AOPEP: variants seen among roughly 807,000 people sequenced by gnomAD.
AOPEP encodes aminopeptidase O.
Under a neutral mutation model 98.1 loss-of-function variants are expected in AOPEP, and 77 were observed. That is an observed-to-expected ratio of 0.78 (90% confidence interval 0.65 to 0.95). AOPEP has a LOEUF of 0.95. AOPEP is among the 40% of genes least tolerant of loss of function. AOPEP has a pLI of 0.00. For missense variants in AOPEP, 1,024 were observed against 1,024.7 expected, an observed-to-expected ratio of 1.00 and a Z score of 0.01; for synonymous variants, 346 against 365.3, an observed-to-expected ratio of 0.95 and a Z score of 0.60.
Position 94,792,856 on chromosome 9 carries a change from G to A in AOPEP, c.1056G>A (p.Glu352=). The A allele has an allele frequency of 6.2e-7, 1 of 1,613,578 alleles. No individual in the cohort carries two copies. The highest frequency in any genetic ancestry group is 8.5e-7 in the Non-Finnish European group (1 of 1,179,820). Residue 352 remains glutamate, a synonymous_variant, in exon 4 of 17, where the codon GAG becomes GAA. Coordinates refer to ENST00000375315, the MANE Select transcript of AOPEP (RefSeq NM_001193329.3). ...GATGCTGGACAGAAATGAAGATGGA[G>A]ACATGGTCATCAAATGATTTGGCAA... The part of the protein sequence containing the change: ...AVGCWTEMKM[E]TWSSNDLATE...
intron 5 of AOPEP, among the ~76,000 whole-genome samples, chr9:94,853,346 A>G (rs144633166): frequency 0.033 from 4,945 of 152,054 alleles, 278 homozygotes; most frequent in African/African-American, 0.11. Context: ...TGTAGTCCCA[A>G]CTACTTGGGA....
intron 3 of AOPEP, among the ~76,000 whole-genome samples, chr9:94,790,657 T>C (rs1234242307): frequency 6.6e-6 from 1 of 152,094 alleles, no homozygotes; most frequent in Non-Finnish European, 1.5e-5. Context: ...ACCGAAATAT[T>C]ATTTATTTTT....
intron 13 of AOPEP, 62 bp downstream of exon 13, chr9:95,005,678 G>A: frequency 7.5e-7 from 1 of 1,341,886 alleles, no homozygotes; most frequent in Non-Finnish European, 1.1e-6. Context: ...GCCCCGTGAG[G>A]ACCTGGTCAT....
chr9:95,084,535 TTTG>T (rs574308108), intron 16 of AOPEP, among the ~76,000 whole-genome samples: 18 of 152,234 alleles, frequency 1.2e-4, no homozygotes, highest in South Asian at 6.2e-4. Context: ...TCTCTTTCGT[TTTG>T]TTATTTCGTG....
At chr9:95,084,624 C>T (rs2070372726) in intron 16 of AOPEP, among the ~76,000 whole-genome samples, 1 of 152,224 alleles carries the variant, frequency 6.6e-6, no homozygotes. Context: ...GGTTTTGGAG[C>T]AGCACCACAG....
intron 5 of AOPEP, among the ~76,000 whole-genome samples, chr9:94,806,312 C>T (rs1299217341): frequency 2.0e-5 from 3 of 151,866 alleles, no homozygotes; most frequent in Non-Finnish European, 4.4e-5. Flanking sequence ...AATTTTCTTT[C>T]TGCATGGATT....
At chr9:95,031,821 C>T (rs1436321607) in intron 13 of AOPEP, among the ~76,000 whole-genome samples, 1 of 152,214 alleles carries the variant, frequency 6.6e-6, no homozygotes. Context: ...GTTTGCTCCT[C>T]TTGTCTTGTG....
chr9:94,893,250 T>C (rs1470638072), intron 5 of AOPEP, among the ~76,000 whole-genome samples: 4 of 152,074 alleles, frequency 2.6e-5, no homozygotes, highest in Non-Finnish European at 1.5e-5. Flanking sequence ...CATTATAGGA[T>C]AGAAGGGAAC....
At chr9:95,095,097 A>C in the AOPEP span, among the ~76,000 whole-genome samples, 1 of 152,172 alleles carries the variant, frequency 6.6e-6, no homozygotes, top group Non-Finnish European at 1.5e-5. Flanking sequence ...GTTACTTTGC[A>C]TTCTTTTGGG....
chr9:95,117,705 G>A, the AOPEP span, among the ~76,000 whole-genome samples: 384 of 150,566 alleles, frequency 2.6e-3, 1 homozygote, highest in Non-Finnish European at 3.8e-3. Context: ...GCCGTTGTGA[G>A]ATGTTAGGTA....
At chr9:94,927,120 C>A (rs2054470773) in intron 6 of AOPEP, among the ~76,000 whole-genome samples, 1 of 152,178 alleles carries the variant, frequency 6.6e-6, no homozygotes, top group African/African-American at 2.4e-5. Flanking sequence ...TTGCAGGTGG[C>A]CACGAGCTGC....
chr9:94,996,389 T>TGA lies in AOPEP; in HGVS notation c.1978-8768_1978-8767insAG, dbSNP rs1454010717. Reference sequence around the variant, plus strand: ...GTGTGTGTGTGTGTGTGTGTGTGTGTGTGAGAGAGAGATTTTACTTCTTCA... The same window carrying TGA: ...GTGTGTGTGTGTGTGTGTGTGTGTGTGAGTGAGAGAGAGATTTTACTTCTTCA... On this transcript the variant is annotated intron_variant, in intron 11 of 16. Coordinates refer to ENST00000375315, the MANE Select transcript of AOPEP (RefSeq NM_001193329.3). Among the ~76,000 whole-genome samples, 488 of 145,502 alleles carry TGA rather than the reference T, an allele frequency of 3.4e-3. 5 individuals are homozygous for TGA. The highest frequency in any genetic ancestry group is 0.012 in the African/African-American group (441 of 38,242).
In AOPEP at chr9:94,980,217, G is replaced by C. The variant is rs558331048; in HGVS notation, c.1977+790G>C. Among the ~76,000 whole-genome samples, 9 of 152,362 alleles carry C rather than the reference G, an allele frequency of 5.9e-5. 1 individual carries two copies. In the East Asian group the frequency reaches 1.5e-3, roughly 26 times the overall value. ...CCAAATCAAATGCTGGCCATGGCAA[G>C]CCTAGGCCCTGGGAAGTCTGAGGGT... On this transcript the variant is annotated intron_variant, in intron 11 of 16. Transcript: ENST00000375315. The surrounding 1 kb of genome is among the most constrained non-coding windows in gnomAD (Gnocchi z 4.3).
intron 1 of AOPEP, among the ~76,000 whole-genome samples, chr9:94,738,272 A>C (rs893187942): frequency 6.6e-6 from 1 of 152,068 alleles, no homozygotes; most frequent in Non-Finnish European, 1.5e-5. Flanking sequence ...AAGGAGAAAG[A>C]CTCTGGTTCA....
chr9:94,990,886 C>G (rs527803072), intron 11 of AOPEP, among the ~76,000 whole-genome samples: 37 of 152,288 alleles, frequency 2.4e-4, no homozygotes, highest in African/African-American at 7.7e-4. Flanking sequence ...CCTCAGCCCC[C>G]CAAAGTGCTG....
intron 7 of AOPEP, among the ~76,000 whole-genome samples, chr9:94,950,281 C>T (rs1374215446): frequency 6.6e-6 from 1 of 152,216 alleles, no homozygotes; most frequent in Non-Finnish European, 1.5e-5. Flanking sequence ...ACACAGAACG[C>T]AGATAATAGC....
intron 5 of AOPEP, among the ~76,000 whole-genome samples, chr9:94,801,252 A>G (rs1848163095): frequency 6.6e-6 from 1 of 152,192 alleles, no homozygotes; most frequent in Non-Finnish European, 1.5e-5. Flanking sequence ...TGTTGCTGGG[A>G]TTGAGAATAC....
At chr9:94,756,739 A>C (rs1012010377) in intron 1 of AOPEP, among the ~76,000 whole-genome samples, 1 of 151,918 alleles carries the variant, frequency 6.6e-6, no homozygotes, top group African/African-American at 2.4e-5. Context: ...AAGAAACTGG[A>C]TGTGCTCTGC....
chr9:94,873,928 A>C lies in AOPEP; in HGVS notation c.1365-50058A>C, dbSNP rs532466330. Among the ~76,000 whole-genome samples, 13 of 152,280 alleles carry C rather than the reference A, an allele frequency of 8.5e-5. No individual in the cohort carries two copies. The South Asian group carries it at 2.1e-3, about 24-fold the overall frequency. On this transcript the variant is annotated intron_variant, in intron 5 of 16. Coordinates refer to ENST00000375315, the MANE Select transcript of AOPEP (RefSeq NM_001193329.3). ...AAGATTATACATCTTCTCTCAATGGAGGATGAATAAACTATTAGTAGTTTA... is the reference window on the plus strand; with the variant it reads ...AAGATTATACATCTTCTCTCAATGGCGGATGAATAAACTATTAGTAGTTTA...
Sources: gnomAD v4.1 joint callset for allele counts (sites outside exome capture counted in the v4.1 genomes callset) on GRCh38, gnomAD v4.1.1 for gene constraint, Gnocchi (gnomAD v3.1) non-coding constraint, MANE v1.5 for transcripts, NCBI Gene and HGNC (gene_info 2026-07-23, HGNC 2026-07-21) for gene names.